Variants in TCERG1L observed in about 807,000 individuals in gnomAD.
TCERG1L encodes the protein transcription elongation regulator 1 like.
In TCERG1L, 37 loss-of-function variants were observed where a neutral mutation model predicts 56.3. The ratio of observed to expected loss-of-function variants is 0.66; its 90% CI spans 0.51 to 0.87. The LOEUF (loss-of-function observed/expected upper bound fraction) is 0.87, where lower values mean the gene tolerates loss of function less well. Ranked by LOEUF, TCERG1L falls within the 40% of genes least tolerant of loss-of-function variation. The probability of loss-of-function intolerance (pLI) is 0.00; values close to 1 mark genes in which losing one functional copy is unlikely to be tolerated. For missense variants in TCERG1L, 799 were observed against 774.2 expected (o/e 1.03, Z -0.38); for synonymous variants, 324 against 326.3 (o/e 0.99, Z 0.08).
chr10:131,156,499 A>C (rs987347631), intron 6 of TCERG1L, among the ~76,000 whole-genome samples: 9 of 152,152 alleles, frequency 5.9e-5, no homozygotes, highest in African/African-American at 2.2e-4. Flanking sequence ...GCTTACACTA[A>C]GGGAGGAGAC....
At chr10:131,183,158 G>A (rs897313930) in intron 4 of TCERG1L, among the ~76,000 whole-genome samples, 2 of 152,180 alleles carry the variant, frequency 1.3e-5, no homozygotes, top group African/African-American at 4.8e-5. Flanking sequence ...ACGACGGGGA[G>A]GGGGAGACTC....
intron 8 of TCERG1L, among the ~76,000 whole-genome samples, chr10:131,125,679 A>AG (rs1175775803): frequency 6.6e-6 from 1 of 152,208 alleles, no homozygotes; most frequent in Non-Finnish European, 1.5e-5. Context: ...ATGGGAGCAC[A>AG]GGGGTGTCGG....
chr10:131,261,688 G>A (rs911240167), intron 3 of TCERG1L, among the ~76,000 whole-genome samples: 8 of 152,254 alleles, frequency 5.3e-5, no homozygotes, highest in African/African-American at 1.9e-4. Context: ...CTTTGGGACA[G>A]AGCAGTGAAC....
At chr10:131,148,501 C>A (rs1056879268) in intron 6 of TCERG1L, among the ~76,000 whole-genome samples, 3 of 151,746 alleles carry the variant, frequency 2.0e-5, no homozygotes. Context: ...TATATACACA[C>A]ACAAAGGGAC....
chr10:131,159,950 A>G (rs770952968), intron 6 of TCERG1L, among the ~76,000 whole-genome samples: 1 of 152,146 alleles, frequency 6.6e-6, no homozygotes, highest in Non-Finnish European at 1.5e-5. Context: ...CGGTCTGCCA[A>G]TACTCACATC....
intron 4 of TCERG1L, among the ~76,000 whole-genome samples, chr10:131,213,555 G>A (rs2133490634): frequency 6.6e-6 from 1 of 152,314 alleles, no homozygotes; most frequent in South Asian, 2.1e-4. Flanking sequence ...ACTCTGTCTG[G>A]CCCGGCTGCG....
At chr10:131,119,859 G>T (rs915215723) in intron 8 of TCERG1L, among the ~76,000 whole-genome samples, 1 of 152,212 alleles carries the variant, frequency 6.6e-6, no homozygotes, top group Non-Finnish European at 1.5e-5. Flanking sequence ...CAGGGAGGTA[G>T]CCTTACTGCA....
chr10:131,201,797 T>C (rs1845438811), intron 4 of TCERG1L, among the ~76,000 whole-genome samples: 3 of 152,180 alleles, frequency 2.0e-5, no homozygotes. Flanking sequence ...AATGCTCAGC[T>C]GTGAGTGAGT....
chr10:131,298,215 T>C (rs1462505755), intron 3 of TCERG1L, among the ~76,000 whole-genome samples: 1 of 152,050 alleles, frequency 6.6e-6, no homozygotes, highest in Non-Finnish European at 1.5e-5. Context: ...CACAAGACTT[T>C]TTTTGTGATA....
intron 4 of TCERG1L, among the ~76,000 whole-genome samples, chr10:131,226,431 C>G (rs1229471691): frequency 1.3e-5 from 2 of 152,184 alleles, no homozygotes; most frequent in African/African-American, 4.8e-5. Context: ...CTCAGCGGAG[C>G]TCTAGTCTGT....
chr10:131,104,829 C>T (rs185315459), intron 9 of TCERG1L, among the ~76,000 whole-genome samples: 48 of 152,298 alleles, frequency 3.2e-4, no homozygotes, highest in Middle Eastern at 3.4e-3. Flanking sequence ...TAGTTTTAGA[C>T]GTACTAAAAA....
At chr10:131,164,140 A>G (rs1030974640) in intron 5 of TCERG1L, 13 of 150,234 alleles carry the variant, frequency 8.7e-5, no homozygotes, top group African/African-American at 1.7e-4. Flanking sequence ...AAAAAAAAAA[A>G]AAAAGAAAAA....
chr10:131,260,255 C>T lies in TCERG1L; in HGVS notation c.856+4G>A. On this transcript the variant is annotated splice_donor_region_variant and intron_variant, in intron 4 of 11. Coordinates refer to ENST00000368642, the MANE Select transcript of TCERG1L (RefSeq NM_174937.4). This position sits in a 1 kb window ranked among gnomAD's most constrained non-coding sequence, Gnocchi z 5.8. ...CAGGCGTCGGGACGGCGCTCCGAGC[C>T]TACCTGAGACGGGGGACGTCCGGAG... 2.2e-6 allele frequency: 3 copies of T among 1,358,138 alleles called. No individual in the cohort carries two copies. The highest frequency in any genetic ancestry group is 2.9e-6 in the Non-Finnish European group (3 of 1,049,300). 84.1% of individuals were successfully genotyped at this position (1,358,138 alleles called of 1,614,324 possible). A position where few individuals can be genotyped will look rare whatever the true frequency, so the allele number is the denominator to read the frequency against.
chr10:131,120,076 C>T (rs1261611247), intron 8 of TCERG1L, among the ~76,000 whole-genome samples: 1 of 152,182 alleles, frequency 6.6e-6, no homozygotes, highest in Admixed American at 6.5e-5. Flanking sequence ...CATCCTACCC[C>T]TAAGCAGGGG....
intron 9 of TCERG1L, among the ~76,000 whole-genome samples, chr10:131,105,786 T>A (rs1376515607): frequency 6.6e-6 from 1 of 152,252 alleles, no homozygotes; most frequent in South Asian, 2.1e-4. Context: ...TGCTACGGAC[T>A]CATGGATACT....
At chr10:131,127,761 A>G (rs890271766) in intron 8 of TCERG1L, among the ~76,000 whole-genome samples, 1 of 152,148 alleles carries the variant, frequency 6.6e-6, no homozygotes, top group African/African-American at 2.4e-5. Context: ...CCGTGTCACA[A>G]CAGCAGACTC....
intron 3 of TCERG1L, among the ~76,000 whole-genome samples, chr10:131,297,272 TG>T: frequency 6.6e-6 from 1 of 152,354 alleles, no homozygotes; most frequent in African/African-American, 2.4e-5. Flanking sequence ...TGTATTGTTT[TG>T]TTTTTAATCT....
At chr10:131,219,575 G>A (rs1408903202) in intron 4 of TCERG1L, among the ~76,000 whole-genome samples, 2 of 152,200 alleles carry the variant, frequency 1.3e-5, no homozygotes, top group African/African-American at 4.8e-5. Context: ...TGACCTGCGG[G>A]CTGCAGTGCA....
Position 131,153,511 on chromosome 10 carries a change from T to C in TCERG1L, c.1035-6851A>G, listed in dbSNP as rs186475008. ...TCCACTGGGTCTCATCATTTTCTCA[T>C]TGACTTTCTGAGGGATTTTCCCAGC... is the stretch of plus-strand genomic sequence containing the variant. On this transcript the variant is annotated intron_variant, in intron 6 of 11. Transcript: ENST00000368642. Among the ~76,000 whole-genome samples, 18 of 152,284 alleles carry C rather than the reference T, an allele frequency of 1.2e-4. No individual in the cohort carries two copies. In the East Asian group the frequency reaches 2.1e-3, roughly 18 times the overall value.
Sources: gnomAD v4.1 joint callset for allele counts (sites outside exome capture counted in the v4.1 genomes callset) on GRCh38, gnomAD v4.1.1 for gene constraint, Gnocchi (gnomAD v3.1) non-coding constraint, MANE v1.5 for transcripts, NCBI Gene and HGNC (gene_info 2026-07-23, HGNC 2026-07-21) for gene names.